The following MRTFB variants were observed in gnomAD, a reference collection of about 807,000 sequenced individuals.
MRTFB encodes myocardin related transcription factor B, also known as myocardin-related transcription factor B.
MRTFB carries 29 observed loss-of-function variants against 104.2 expected under a neutral mutation model. The observed-to-expected ratio is 0.28, with a 90% CI of 0.21 to 0.38. The LOEUF is 0.38. Ranked by LOEUF, MRTFB falls within the 10% of genes least tolerant of loss-of-function variation. The pLI is 1.00. For synonymous variants in MRTFB, 535 were observed against 519.5 expected, an observed-to-expected ratio of 1.03 and a Z score of -0.41; for missense variants, 1,270 against 1,341.6, an observed-to-expected ratio of 0.95 and a Z score of 0.83.
At chr16:14,207,133 G>A (rs1293900578) in intron 3 of MRTFB, among the ~76,000 whole-genome samples, 1 of 152,190 alleles carries the variant, frequency 6.6e-6, no homozygotes. Context: ...AAATGAATGT[G>A]CCTGGGGGAG....
At chr16:14,043,007 G>A in the MRTFB span, among the ~76,000 whole-genome samples, 1 of 152,168 alleles carries the variant, frequency 6.6e-6, no homozygotes. Flanking sequence ...TCAGATTTAC[G>A]GGTAGCCCGG....
intron 3 of MRTFB, chr16:14,200,529 G>C (rs1190474714): frequency 6.2e-7 from 1 of 1,609,212 alleles, no homozygotes; most frequent in African/African-American, 1.3e-5. Flanking sequence ...GAATTGCTCA[G>C]CAGCAGCTTT....
chr16:14,041,360 C>A, the MRTFB span, among the ~76,000 whole-genome samples: 1 of 152,160 alleles, frequency 6.6e-6, no homozygotes, highest in African/African-American at 2.4e-5. Flanking sequence ...CTAACCCTAG[C>A]CCCCGGCAAC....
chr16:14,106,240 A>G (rs1464568950), intron 2 of MRTFB, among the ~76,000 whole-genome samples: 1 of 152,170 alleles, frequency 6.6e-6, no homozygotes, highest in Non-Finnish European at 1.5e-5. Flanking sequence ...AGTGAGTGCC[A>G]GGTGCAGTGG....
At chr16:14,120,618 A>T (rs1477582317) in intron 2 of MRTFB, among the ~76,000 whole-genome samples, 2 of 152,192 alleles carry the variant, frequency 1.3e-5, no homozygotes, top group Admixed American at 6.5e-5. Flanking sequence ...GGGCAGCTTC[A>T]TCGGTTTATA....
At chr16:14,031,021 T>A in the MRTFB span, among the ~76,000 whole-genome samples, 1 of 152,186 alleles carries the variant, frequency 6.6e-6, no homozygotes, top group African/African-American at 2.4e-5. Context: ...TGTCTTGCAA[T>A]GCACAGGACA....
At chr16:14,067,715 G>T (rs1206739850), upstream of MRTFB, among the ~76,000 whole-genome samples, 1 of 152,162 alleles carries the variant, frequency 6.6e-6, no homozygotes, top group Non-Finnish European at 1.5e-5. Flanking sequence ...ATTGCTTCAG[G>T]AGAGCTGGTA....
In MRTFB at chr16:14,234,263, C is replaced by G; in HGVS notation, c.811C>G (p.Pro271Ala). ...CACAAACACTGTGTCCTCAGCAAAG[C>G]CTGGCCCAGCACTGGTGAAGGTGGG... is the stretch of plus-strand genomic sequence containing the variant. ...LPTNTVSSAKPGPALVKQSHP... is the reference protein window; with the variant it reads ...LPTNTVSSAKAGPALVKQSHP... Residue 271 changes from proline (P) to alanine (A), a missense_variant, in exon 9 of 17, where the codon CCT becomes GCT. Physicochemically the swap from Pro to Ala is conservative, Grantham distance 27. Transcript: ENST00000571589. 3 of 1,614,110 alleles carry G rather than the reference C, an allele frequency of 1.9e-6. No individual in the cohort carries two copies. Among genetic ancestry groups the G allele is most frequent in the Non-Finnish European group, 2.5e-6 (3 of 1,180,008 alleles).
chr16:14,115,931 C>T (rs976472531), intron 2 of MRTFB, among the ~76,000 whole-genome samples: 6 of 152,172 alleles, frequency 3.9e-5, no homozygotes, highest in African/African-American at 1.4e-4. Context: ...ATGACTGTCA[C>T]CTGGATCACA....
chr16:14,014,263 G>C, the MRTFB span, among the ~76,000 whole-genome samples: 2 of 152,186 alleles, frequency 1.3e-5, no homozygotes, highest in Non-Finnish European at 2.9e-5. Flanking sequence ...AAGAGTCTCA[G>C]TGCCGGGCAA....
chr16:14,152,331 T>C (rs2038656228), intron 3 of MRTFB: 1 of 152,042 alleles, frequency 6.6e-6, no homozygotes, highest in African/African-American at 2.4e-5. Flanking sequence ...TATATAAATA[T>C]ATACATATGA....
At chr16:14,028,944 C>T in the MRTFB span, among the ~76,000 whole-genome samples, 2 of 152,082 alleles carry the variant, frequency 1.3e-5, no homozygotes, top group South Asian at 4.1e-4. Context: ...TTTGTTCTTC[C>T]CACTGATGTC....
chr16:14,217,553 G>C (rs1176955271), intron 7 of MRTFB, among the ~76,000 whole-genome samples: 1 of 152,038 alleles, frequency 6.6e-6, no homozygotes, highest in Non-Finnish European at 1.5e-5. Flanking sequence ...CATCTCTTTA[G>C]GACTGCATGG....
intron 5 of MRTFB, 71 bp downstream of exon 5, chr16:14,212,480 A>T: frequency 1.4e-6 from 2 of 1,400,314 alleles, no homozygotes; most frequent in Non-Finnish European, 1.0e-6. Flanking sequence ...ACCTGTGTAC[A>T]AGTAGCAGTG....
At position 14,178,754 on chromosome 16, in the gene MRTFB, G is replaced by GT. The variant is rs987394651; in HGVS notation, c.155-31480dup. Among the ~76,000 whole-genome samples, 64 of 150,534 alleles carry GT rather than the reference G, an allele frequency of 4.3e-4. No homozygotes were observed. In the Middle Eastern group the frequency reaches 0.01, roughly 24 times the overall value. ...GGGGCAGGGGAGGTTTTTTTTGTTT[G>GT]TTTTTTTTTCCCTGAGACAAGTTCT... On this transcript the variant is annotated intron_variant, in intron 3 of 16. Coordinates refer to ENST00000571589, the MANE Select transcript of MRTFB (RefSeq NM_001308142.2).
At chr16:14,168,414 C>G (rs970698459) in intron 3 of MRTFB, among the ~76,000 whole-genome samples, 2 of 152,328 alleles carry the variant, frequency 1.3e-5, no homozygotes, top group African/African-American at 4.8e-5. Context: ...CCTAGCCCCT[C>G]TGAGACAGCT....
intron 2 of MRTFB, among the ~76,000 whole-genome samples, chr16:14,086,885 T>C (rs146133334): frequency 2.3e-4 from 35 of 152,356 alleles, no homozygotes; most frequent in South Asian, 4.1e-4. Flanking sequence ...TTAAGAATTT[T>C]TCAGCATCTT....
intron 2 of MRTFB, among the ~76,000 whole-genome samples, chr16:14,085,475 A>G (rs939155126): frequency 2.0e-5 from 3 of 151,074 alleles, no homozygotes; most frequent in African/African-American, 7.3e-5. Flanking sequence ...AAAAAAAAAA[A>G]GCGAAAAGGA....
At chr16:14,118,233 C>G (rs1368554611) in intron 2 of MRTFB, among the ~76,000 whole-genome samples, 3 of 151,162 alleles carry the variant, frequency 2.0e-5, no homozygotes, top group Non-Finnish European at 4.4e-5. Flanking sequence ...ACCTCCCAGG[C>G]TCAAGTCATC....
Sources: allele counts gnomAD v4.1 joint callset (sites outside exome capture counted in the v4.1 genomes callset), GRCh38; gene constraint gnomAD v4.1.1; transcripts MANE v1.5; gene names NCBI Gene and HGNC (gene_info 2026-07-23, HGNC 2026-07-21).